ABLIM1: variants seen among roughly 807,000 people sequenced by gnomAD.
ABLIM1 encodes the protein actin binding LIM protein 1, also known as actin-binding LIM protein 1.
A neutral mutation model predicts 107.0 loss-of-function variants in ABLIM1; 40 were observed. The observed-to-expected ratio is 0.37, with a 90% CI of 0.29 to 0.49. ABLIM1 has a LOEUF of 0.49. Ranked by LOEUF, ABLIM1 falls within the 20% of genes least tolerant of loss-of-function variation. The pLI, the probability that ABLIM1 is intolerant of heterozygous loss-of-function variation, is 0.97. For missense variants in ABLIM1, 857 were observed against 1,008.5 expected (o/e 0.85, Z 2.04); for synonymous variants, 357 against 357.3 (o/e 1.00, Z 0.01).
chr10:114,526,891 G>C (rs963932335), intron 6 of ABLIM1: 28 of 985,340 alleles, frequency 2.8e-5, no homozygotes, highest in Non-Finnish European at 3.1e-5. Context: ...CCCCGTGTGC[G>C]GCGGGCAGGC....
rs368363945 is a variant in ABLIM1 at position 114,437,859 on chromosome 10, G to A, written c.2208C>T (p.Asp736=). 10 of 1,613,926 alleles carry A rather than the reference G, an allele frequency of 6.2e-6. No individual in the cohort carries two copies. Among genetic ancestry groups the A allele is most frequent in the Non-Finnish European group, 8.5e-6 (10 of 1,180,024 alleles). Residue 736 remains aspartate (D), a synonymous_variant, in exon 22 of 23, where the codon GAC becomes GAT. Transcript: ENST00000533213. ...RGRNKILREV[D]RTRLERHLAP... is the part of the protein sequence containing the mutation. The stretch of plus-strand genomic sequence containing the variant: ...TTTGTTTTACCTCCAGCCTGGTTCT[G>A]TCCACCTCTCTGAGGATTTTGTTTC...
chr10:114,746,882 G>A (rs527753807), intron 1 of ABLIM1, among the ~76,000 whole-genome samples: 1 of 152,002 alleles, frequency 6.6e-6, no homozygotes, highest in Non-Finnish European at 1.5e-5. Flanking sequence ...ATCCTTTACC[G>A]ATTTCTTAAT....
intron 1 of ABLIM1, among the ~76,000 whole-genome samples, chr10:114,670,167 G>A (rs1420001328): frequency 6.6e-6 from 1 of 152,120 alleles, no homozygotes; most frequent in Non-Finnish European, 1.5e-5. Flanking sequence ...ATCACACAAG[G>A]TTCCTTGACC....
At chr10:114,701,759 A>AC (rs2081312301) in intron 1 of ABLIM1, among the ~76,000 whole-genome samples, 1 of 152,194 alleles carries the variant, frequency 6.6e-6, no homozygotes, top group African/African-American at 2.4e-5. Flanking sequence ...GGATTCACTG[A>AC]CAAAGAACAC....
chr10:114,576,960 G>GC (rs752884009), intron 2 of ABLIM1, among the ~76,000 whole-genome samples: 6 of 152,070 alleles, frequency 3.9e-5, no homozygotes, highest in Non-Finnish European at 7.4e-5. Context: ...CCTCTCCTCT[G>GC]CCCCCACTGT....
At chr10:114,769,168 C>T (rs1391997764), upstream of ABLIM1, among the ~76,000 whole-genome samples, 2 of 46,738 alleles carry the variant, frequency 4.3e-5, no homozygotes, top group Non-Finnish European at 7.3e-5. Flanking sequence ...ACACTGTCTT[C>T]AATGAAAAAA....
At chr10:114,632,417 C>T in intron 1 of ABLIM1, 1 of 985,386 alleles carries the variant, frequency 1.0e-6, no homozygotes, top group African/African-American at 1.7e-5. Context: ...CTTATTGGCT[C>T]CCTGTTACAG....
intron 12 of ABLIM1, among the ~76,000 whole-genome samples, chr10:114,460,243 T>G (rs1033402446): frequency 1.3e-5 from 2 of 152,216 alleles, no homozygotes; most frequent in African/African-American, 4.8e-5. Context: ...GCCTCTGTAC[T>G]TGGTCTCCTC....
upstream of ABLIM1, among the ~76,000 whole-genome samples, chr10:114,689,025 G>C (rs963176746): frequency 6.6e-6 from 1 of 152,184 alleles, no homozygotes; most frequent in Non-Finnish European, 1.5e-5. Flanking sequence ...AGATTTTCCT[G>C]AATTAATCTC....
At chr10:114,552,220 C>A (rs1004754283) in intron 4 of ABLIM1, among the ~76,000 whole-genome samples, 1 of 152,196 alleles carries the variant, frequency 6.6e-6, no homozygotes, top group Admixed American at 6.5e-5. Flanking sequence ...ACAAAAGATT[C>A]ATGCTGGATT....
At chr10:114,509,285 G>A (rs939275844) in intron 6 of ABLIM1, among the ~76,000 whole-genome samples, 4 of 152,154 alleles carry the variant, frequency 2.6e-5, no homozygotes, top group African/African-American at 4.8e-5. Context: ...AGGGTGAGGC[G>A]CCAGCAGCCT....
chr10:114,545,147 G>A (rs745507724), intron 5 of ABLIM1, 49 bp from the exon 6 acceptor site: 1 of 1,544,362 alleles, frequency 6.5e-7, no homozygotes, highest in South Asian at 1.1e-5. Context: ...CCAGGGGCTG[G>A]AGAAGACACC....
intron 1 of ABLIM1, among the ~76,000 whole-genome samples, chr10:114,760,829 A>G (rs2142586147): frequency 6.6e-6 from 1 of 152,374 alleles, no homozygotes; most frequent in Middle Eastern, 3.4e-3. Flanking sequence ...TCTCATGTAA[A>G]AAAGAAATCT....
chr10:114,626,428 G>A (rs1203073485), intron 1 of ABLIM1, among the ~76,000 whole-genome samples: 3 of 152,084 alleles, frequency 2.0e-5, no homozygotes, highest in South Asian at 2.1e-4. Flanking sequence ...TGTACAAATC[G>A]GCCAAGAAAT....
At chr10:114,738,661 G>A (rs1161902219) in intron 1 of ABLIM1, among the ~76,000 whole-genome samples, 1 of 152,182 alleles carries the variant, frequency 6.6e-6, no homozygotes, top group Non-Finnish European at 1.5e-5. Context: ...ATGGGTCTTT[G>A]CTAGCTCACT....
At chr10:114,798,504 G>T in the ABLIM1 span, among the ~76,000 whole-genome samples, 1 of 151,602 alleles carries the variant, frequency 6.6e-6, no homozygotes, top group African/African-American at 2.4e-5. Context: ...AGCTGAGGCA[G>T]GAGGATTGCT....
chr10:114,510,178 C>T (rs532645727), intron 6 of ABLIM1, among the ~76,000 whole-genome samples: 17 of 152,242 alleles, frequency 1.1e-4, no homozygotes, highest in Admixed American at 1.1e-3. Context: ...TCTTAAATTT[C>T]CTGAGAGAAG....
chr10:114,570,312 C>A (rs2071455267), intron 4 of ABLIM1, among the ~76,000 whole-genome samples: 1 of 152,106 alleles, frequency 6.6e-6, no homozygotes, highest in South Asian at 2.1e-4. Flanking sequence ...GTGCAATTGG[C>A]CACTCTTTTT....
rs1482848848 is a variant in ABLIM1, at chr10:114,629,876, C to CAACAG, written c.245-27916_245-27915insCTGTT. 6.6e-6 allele frequency among the ~76,000 whole-genome samples: 1 copy of CAACAG among 151,992 alleles called. No individual in the cohort carries two copies. The highest frequency in any genetic ancestry group is 2.4e-5 in the African/African-American group (1 of 41,416). The stretch of plus-strand genomic sequence containing the variant: ...CAAACAAAAATGAAACGAAACGAAA[C>CAACAG]AAACCTGCCTTTCTCTGTTGATGGC... On this transcript the variant is annotated intron_variant, in intron 1 of 22. Transcript: ENST00000533213. This position sits in a 1 kb window ranked among gnomAD's most constrained non-coding sequence, Gnocchi z 4.0.
Sources: gnomAD v4.1 joint callset for allele counts (sites outside exome capture counted in the v4.1 genomes callset) on GRCh38, gnomAD v4.1.1 for gene constraint, Gnocchi (gnomAD v3.1) non-coding constraint, MANE v1.5 for transcripts, NCBI Gene and HGNC (gene_info 2026-07-23, HGNC 2026-07-21) for gene names.